The following SNX29 variants were observed in gnomAD, a reference collection of about 807,000 sequenced individuals.
The protein encoded by SNX29 is sorting nexin-29.
A neutral mutation model predicts 102.1 loss-of-function variants in SNX29; 78 were observed. That is an observed-to-expected ratio of 0.76 (90% CI 0.64 to 0.92). The LOEUF (loss-of-function observed/expected upper bound fraction) is 0.92, where lower values mean the gene tolerates loss of function less well. Among genes scored for constraint, SNX29 ranks in the 40% least tolerant of loss-of-function variants. The probability of loss-of-function intolerance (pLI) is 0.00; values close to 1 mark genes in which losing one functional copy is unlikely to be tolerated. For missense variants in SNX29, 1,280 were observed against 1,061.7 expected (o/e 1.21, Z -2.86); for synonymous variants, 580 against 414.5 (o/e 1.40, Z -4.85).
intron 15 of SNX29, among the ~76,000 whole-genome samples, chr16:12,326,789 G>A (rs1424991543): frequency 6.6e-6 from 1 of 152,178 alleles, no homozygotes; most frequent in East Asian, 1.9e-4. Flanking sequence ...TGGTGCAGGT[G>A]GCACTGAGGC....
intron 20 of SNX29, among the ~76,000 whole-genome samples, chr16:12,545,753 G>A (rs1229382801): frequency 6.6e-6 from 1 of 152,128 alleles, no homozygotes; most frequent in African/African-American, 2.4e-5. Flanking sequence ...TTTAACCTGA[G>A]ATGGAGAGGC....
chr16:12,250,073 G>C (rs1420594301), intron 14 of SNX29, among the ~76,000 whole-genome samples: 1 of 152,170 alleles, frequency 6.6e-6, no homozygotes, highest in Non-Finnish European at 1.5e-5. Context: ...CCCATCACCA[G>C]GACTGTGGTG....
intron 20 of SNX29, among the ~76,000 whole-genome samples, chr16:12,541,736 C>T (rs191828632): frequency 3.9e-4 from 59 of 152,284 alleles, no homozygotes; most frequent in East Asian, 2.7e-3. Context: ...CTGTCTTTTC[C>T]GTACTGTGCC....
At chr16:12,090,993 C>T (rs1475567945) in intron 11 of SNX29, among the ~76,000 whole-genome samples, 6 of 108,920 alleles carry the variant, frequency 5.5e-5, no homozygotes, top group African/African-American at 7.5e-5. Context: ...CCAGCGTGGG[C>T]GACAGAGTGA....
chr16:12,262,094 GAAGT>G (rs934496817), intron 14 of SNX29, among the ~76,000 whole-genome samples: 1 of 149,260 alleles, frequency 6.7e-6, no homozygotes, highest in African/African-American at 2.5e-5. Context: ...GTCCCCGGCT[GAAGT>G]AAGTGTTTGC....
At chr16:11,978,359 G>A (rs2055347324) in intron 1 of SNX29, among the ~76,000 whole-genome samples, 1 of 152,208 alleles carries the variant, frequency 6.6e-6, no homozygotes, top group African/African-American at 2.4e-5. Context: ...TCAAATCTTG[G>A]CCCTGCCACA....
intron 19 of SNX29, among the ~76,000 whole-genome samples, chr16:12,520,832 T>G (rs1316237325): frequency 3.3e-5 from 5 of 152,056 alleles, no homozygotes; most frequent in African/African-American, 1.2e-4. Flanking sequence ...GAGGGATAAA[T>G]GACCGCATAT....
intron 16 of SNX29, among the ~76,000 whole-genome samples, chr16:12,379,562 T>A (rs1189724402): frequency 1.3e-5 from 2 of 152,298 alleles, no homozygotes; most frequent in East Asian, 3.9e-4. Context: ...TCCAAAAACA[T>A]CTTCTCAAAG....
chr16:12,125,626 T>C (rs1440064363), intron 11 of SNX29, among the ~76,000 whole-genome samples: 5 of 126,006 alleles, frequency 4.0e-5, no homozygotes, highest in East Asian at 2.2e-4. Context: ...TTTTTTTTTT[T>C]TTTTTTTTTT....
At chr16:12,284,167 C>A (rs753213137) in intron 15 of SNX29, among the ~76,000 whole-genome samples, 4 of 152,250 alleles carry the variant, frequency 2.6e-5, no homozygotes, top group African/African-American at 9.6e-5. Flanking sequence ...GGACTTTGGG[C>A]CTGCATCACT....
chr16:12,261,231 T>C (rs2078746402), intron 14 of SNX29, among the ~76,000 whole-genome samples: 1 of 142,788 alleles, frequency 7.0e-6, no homozygotes, highest in African/African-American at 2.7e-5. Flanking sequence ...GAGTGTTTGC[T>C]GAGCTCGGGT....
intron 18 of SNX29, among the ~76,000 whole-genome samples, chr16:12,441,515 A>C (rs921015924): frequency 6.6e-6 from 1 of 152,188 alleles, no homozygotes; most frequent in Admixed American, 6.5e-5. Context: ...TTATGTAGCT[A>C]TGAACATTCC....
At chr16:11,991,633 C>T (rs765146725) in intron 1 of SNX29, among the ~76,000 whole-genome samples, 79 of 151,382 alleles carry the variant, frequency 5.2e-4, no homozygotes, top group Non-Finnish European at 8.7e-4. Context: ...ACCTCCGCCT[C>T]CCAGGTTCAA....
At chr16:12,550,648 C>CACA in intron 20 of SNX29, among the ~76,000 whole-genome samples, 1 of 152,148 alleles carries the variant, frequency 6.6e-6, no homozygotes, top group East Asian at 1.9e-4. Context: ...AAGTAACCGT[C>CACA]ACTTAGTGGA....
At chr16:12,388,570 A>G (rs1022402495) in intron 16 of SNX29, among the ~76,000 whole-genome samples, 6 of 152,234 alleles carry the variant, frequency 3.9e-5, no homozygotes, top group African/African-American at 1.2e-4. Context: ...CACATAGTAC[A>G]TGACTGTGCG....
intron 13 of SNX29, among the ~76,000 whole-genome samples, chr16:12,159,153 T>G (rs2055677304): frequency 6.6e-6 from 1 of 152,240 alleles, no homozygotes; most frequent in Non-Finnish European, 1.5e-5. Context: ...ACAAAGGGTT[T>G]CTTTGGCTCC....
At chr16:12,153,687 A>G (rs1003520776) in intron 13 of SNX29, among the ~76,000 whole-genome samples, 19 of 150,290 alleles carry the variant, frequency 1.3e-4, no homozygotes, top group Non-Finnish European at 2.5e-4. Context: ...GATGTTGCTC[A>G]GGCTGGTCTC....
chr16:12,512,369 A>AATATATATATATATATATAT (rs58157322), intron 19 of SNX29, among the ~76,000 whole-genome samples: 11 of 43,924 alleles, frequency 2.5e-4, no homozygotes, highest in African/African-American at 4.6e-4. Context: ...GCCCAGGGAA[A>AATATATATATATATATATAT]ATATATATAT....
chr16:12,560,894 G>A (rs1018909077), intron 20 of SNX29: 15 of 192,690 alleles, frequency 7.8e-5, no homozygotes, highest in African/African-American at 2.5e-4. Flanking sequence ...GACAAGCAGT[G>A]GCTTTTTTAA....
Sources: gnomAD v4.1 joint callset for allele counts (sites outside exome capture counted in the v4.1 genomes callset) on GRCh38, gnomAD v4.1.1 for gene constraint, MANE v1.5 for transcripts, NCBI Gene and HGNC (gene_info 2026-07-23, HGNC 2026-07-21) for gene names.